The following CNTRL variants were observed in gnomAD, a reference collection of about 807,000 sequenced individuals.
CNTRL encodes centriolin, also known as 110 kDa centrosomal protein.
Under a neutral mutation model 303.7 loss-of-function variants are expected in CNTRL, and 233 were observed. That is an observed-to-expected ratio of 0.77 (90% CI 0.69 to 0.86). The LOEUF is 0.86. Ranked by LOEUF, CNTRL falls within the 40% of genes least tolerant of loss-of-function variation. The pLI is 0.00. For synonymous variants in CNTRL, 900 were observed against 922.2 expected, an observed-to-expected ratio of 0.98 and a Z score of 0.44; for missense variants, 2,524 against 2,650.6, an observed-to-expected ratio of 0.95 and a Z score of 1.05.
chr9:121,167,528 A>G lies in CNTRL; in HGVS notation c.5695A>G (p.Ser1899Gly). 1.2e-6 allele frequency: 2 copies of G among 1,614,124 alleles called. No individual in the cohort carries two copies. The highest frequency in any genetic ancestry group is 2.2e-5 in the East Asian group (1 of 44,866). The change falls in exon 37 of 44, where the codon AGT (serine) becomes GGT (glycine). Residue 1899 changes from serine to glycine, a missense_variant. By Grantham distance (56) the Ser-to-Gly change is moderately conservative (BLOSUM62 0). Transcript: ENST00000373855. ...HTTKHQDVLL[S>G]EQTRLQKDIS... ...CACCAAGCATCAGGATGTGTTGCTC[A>G]GTGAGCAGACCCGACTCCAGAAGGA...
In CNTRL at chr9:121,152,691, A is replaced by G. The variant is rs147122572; in HGVS notation, c.4170A>G (p.Gln1390=). The G allele has an allele frequency of 9.4e-6, 15 of 1,592,272 alleles. No individual in the cohort carries two copies. The highest frequency in any genetic ancestry group is 1.3e-5 in the Non-Finnish European group (15 of 1,163,600). Residue 1390 remains glutamine (Q), a splice_region_variant and synonymous_variant, in exon 26 of 44, where the codon CAA becomes CAG. Coordinates refer to ENST00000373855, the MANE Select transcript of CNTRL (RefSeq NM_007018.6). The part of the protein sequence containing the change: ...LHRTVQKRQQ[Q]KDFIDGNVES... ...GAACTGTCCAGAAACGTCAACAGCA[A>G]AAGTAATTAATATATTTTTTATAAT...
chr9:121,077,496 C>T (rs73534961), intron 1 of CNTRL, among the ~76,000 whole-genome samples: 12,976 of 152,202 alleles, frequency 0.085, 1,316 homozygotes, highest in African/African-American at 0.23. Context: ...AGACTGATTA[C>T]GTCTATCTTG....
Position 121,116,387 on chromosome 9 carries a change from T to A in CNTRL, c.1455+1187T>A, listed in dbSNP as rs572180841. 1.6e-3 allele frequency among the ~76,000 whole-genome samples: 245 copies of A among 151,126 alleles called. 3 individuals are homozygous for A. Among genetic ancestry groups the A allele is most frequent in the African/African-American group, 5.3e-3 (220 of 41,298 alleles). On this transcript the variant is annotated intron_variant, in intron 11 of 43. Transcript: ENST00000373855. ...GGCATTTTTTTATTTTTTATTTTTA[T>A]TTTTTTGAGACAGGGCCTTGACTCC... is the stretch of plus-strand genomic sequence containing the variant.
intron 4 of CNTRL, among the ~76,000 whole-genome samples, chr9:121,093,270 A>G (rs1279960242): frequency 1.3e-5 from 2 of 152,170 alleles, no homozygotes; most frequent in East Asian, 3.8e-4. Context: ...GGAGAGAACC[A>G]TTTGATGTGG....
chr9:121,146,059 G>C (rs1564271077), intron 22 of CNTRL, 49 bp from the exon 23 acceptor site: 1 of 1,472,918 alleles, frequency 6.8e-7, no homozygotes, highest in African/African-American at 1.4e-5. Context: ...TTTTGAGAAA[G>C]GAAGTAAGTG....
intron 30 of CNTRL, 24 bp from the exon 31 acceptor site, chr9:121,158,831 A>G (rs1564290133): frequency 6.2e-7 from 1 of 1,611,184 alleles, no homozygotes; most frequent in East Asian, 2.2e-5. Flanking sequence ...TGTCAAACTT[A>G]CTCTTCCCTT....
At chr9:121,150,563 C>T (rs1047295592) in intron 25 of CNTRL, 80 bp downstream of exon 25, 8 of 1,289,156 alleles carry the variant, frequency 6.2e-6, no homozygotes, top group Non-Finnish European at 2.2e-6. Flanking sequence ...ATGAGTTGAC[C>T]TATTTATGAC....
Position 121,107,890 on chromosome 9 carries a change from A to T in CNTRL, c.897A>T (p.Glu299Asp). ...LKSKQTRFLE[E>D]IKNQDKLNKS... ...GCAAACAAACAAGGTTCCTTGAGGA[A>T]ATTAAAAATCAAGATAAATTGAATA... The change falls in exon 8 of 44, where the codon GAA becomes GAT. Residue 299 changes from glutamate (E) to aspartate (D), a missense_variant. Glu to Asp is a conservative substitution (Grantham distance 45). Transcript: ENST00000373855. The T allele has an allele frequency of 6.2e-7, 1 of 1,610,896 alleles. No individual in the cohort carries two copies. The highest frequency in any genetic ancestry group is 1.7e-4 in the Middle Eastern group (1 of 5,890).
chr9:121,089,256 C>G (rs907762449), intron 3 of CNTRL, among the ~76,000 whole-genome samples: 1 of 152,134 alleles, frequency 6.6e-6, no homozygotes, highest in Non-Finnish European at 1.5e-5. Context: ...GAATATTAAT[C>G]AATTTTCTTT....
At chr9:121,085,670 G>A (rs187318689) in intron 2 of CNTRL, among the ~76,000 whole-genome samples, 4 of 152,270 alleles carry the variant, frequency 2.6e-5, no homozygotes, top group African/African-American at 4.8e-5. Flanking sequence ...GTAGATTTCT[G>A]GAAAGTCTTC....
chr9:121,075,384 C>T lies in CNTRL; in HGVS notation c.-205+317C>T, dbSNP rs147247690. On this transcript the variant is annotated intron_variant, in intron 1 of 43. Coordinates refer to ENST00000373855, the MANE Select transcript of CNTRL (RefSeq NM_007018.6). ...GCCCAGAAGGTTGTGGGTCCTGCCA[C>T]CTGAGCTGAGGGGAGAGCTGGGATG... Among the ~76,000 whole-genome samples the T allele has an allele frequency of 1.6e-3, 245 of 152,210 alleles. 6 individuals carry two copies. The highest frequency in any genetic ancestry group is 3.4e-3 in the Middle Eastern group (1 of 294).
At chr9:121,158,143 C>G in intron 30 of CNTRL, 34 bp downstream of exon 30, 1 of 1,608,040 alleles carries the variant, frequency 6.2e-7, no homozygotes, top group Non-Finnish European at 8.5e-7. Flanking sequence ...AAACAACTGA[C>G]ACAGCACTTT....
chr9:121,173,266 G>A lies in CNTRL; in HGVS notation c.6441G>A (p.Glu2147=). The A allele has an allele frequency of 6.2e-7, 1 of 1,611,082 alleles. No individual in the cohort carries two copies. The highest frequency in any genetic ancestry group is 8.5e-7 in the Non-Finnish European group (1 of 1,178,360). ...AGATGGCAAACCAAAAAGATTTGGA[G>A]AGAAGACAAATGGAAATCAGTGATG... ...KKQMANQKDL[E]RRQMEISDAM... The change falls in exon 41 of 44, where the codon GAG becomes GAA. Residue 2147 remains glutamate, a synonymous_variant. Transcript: ENST00000373855.
At chr9:121,153,892 T>C (rs2052422906) in intron 26 of CNTRL, among the ~76,000 whole-genome samples, 1 of 152,216 alleles carries the variant, frequency 6.6e-6, no homozygotes, top group Non-Finnish European at 1.5e-5. Flanking sequence ...ACCTAAAAGA[T>C]AGGGGCTAGA....
chr9:121,143,910 T>G lies in CNTRL; in HGVS notation c.2879T>G (p.Leu960Arg). 6.3e-7 allele frequency: 1 copy of G among 1,587,828 alleles called. No individual in the cohort carries two copies. Among genetic ancestry groups the G allele is most frequent in the Non-Finnish European group, 8.5e-7 (1 of 1,172,770 alleles). ...ATATTTCTTTTATTTTAGAAGAAAC[T>G]TGAAGATGCCAAATCTCAGGAGCAA... is the stretch of plus-strand genomic sequence containing the variant. ...QLRELEKKKK[L>R]EDAKSQEQVF... The change falls in exon 20 of 44, where the codon CTT becomes CGT. Residue 960 changes from leucine to arginine, a missense_variant. Transcript: ENST00000373855.
At chr9:121,083,241 A>T (rs531031936) in intron 2 of CNTRL, among the ~76,000 whole-genome samples, 2 of 152,320 alleles carry the variant, frequency 1.3e-5, no homozygotes, top group African/African-American at 4.8e-5. Context: ...TAATGTTTTT[A>T]CTTTATAAAC....
intron 7 of CNTRL, among the ~76,000 whole-genome samples, chr9:121,099,592 G>A (rs1009839309): frequency 6.6e-6 from 1 of 151,922 alleles, no homozygotes; most frequent in Non-Finnish European, 1.5e-5. Context: ...TCAGAAGATC[G>A]GTAATAACAA....
chr9:121,110,161 C>G (rs181092272), intron 8 of CNTRL, among the ~76,000 whole-genome samples: 1 of 152,208 alleles, frequency 6.6e-6, no homozygotes, highest in East Asian at 1.9e-4. Context: ...CGTAGTAGTC[C>G]TGTCCTGCCA....
rs373908557 is a variant in CNTRL, at chr9:121,157,473, A to G, written c.4369A>G (p.Lys1457Glu). 2.2e-5 allele frequency: 35 copies of G among 1,613,252 alleles called. No homozygotes were observed. The highest frequency in any genetic ancestry group is 3.3e-5 in the Admixed American group (2 of 59,738). The change falls in exon 28 of 44, where the codon AAA becomes GAA. Residue 1457 changes from lysine (K) to glutamate (E), a missense_variant. Lys to Glu is a moderately conservative substitution (Grantham distance 56). Transcript: ENST00000373855. ...TTAATGACAGTTTCTTTTCTAGACA[A>G]AAAATGCTGTTGAAAAGTTCACTGA... ...SELSCTKEKT[K>E]NAVEKFTDAK...
Sources: gnomAD v4.1 joint callset for allele counts (sites outside exome capture counted in the v4.1 genomes callset) on GRCh38, gnomAD v4.1.1 for gene constraint, MANE v1.5 for transcripts, NCBI Gene and HGNC (gene_info 2026-07-23, HGNC 2026-07-21) for gene names.